The following SLC35D4 variants were observed in gnomAD, a reference collection of about 807,000 sequenced individuals.
SLC35D4 encodes UDP-N-acetylglucosamine transporter SLC35D4.
the SLC35D4 span, among the ~76,000 whole-genome samples, chr18:23,269,548 G>A: frequency 1.9e-4 from 29 of 152,174 alleles, no homozygotes; most frequent in Admixed American, 1.2e-3. Flanking sequence ...TTAAGATACC[G>A]AAAAATGTGG....
At chr18:23,432,420 C>T in the SLC35D4 span, among the ~76,000 whole-genome samples, 62,422 of 152,008 alleles carry the variant, frequency 0.41, 13,973 homozygotes, top group Middle Eastern at 0.52. Context: ...CGGTGGCTCA[C>T]GCCTGTAATC....
the SLC35D4 span, among the ~76,000 whole-genome samples, chr18:23,422,364 C>T: frequency 1.3e-5 from 2 of 152,078 alleles, no homozygotes; most frequent in Non-Finnish European, 2.9e-5. Context: ...CTCCCTATCC[C>T]CAATCAGCCA....
the SLC35D4 span, among the ~76,000 whole-genome samples, chr18:23,247,618 A>G: frequency 1.3e-5 from 2 of 152,202 alleles, no homozygotes; most frequent in African/African-American, 4.8e-5. Context: ...GAGCAAACGG[A>G]GGCACAGAGC....
At chr18:23,317,461 G>A in the SLC35D4 span, among the ~76,000 whole-genome samples, 2 of 152,128 alleles carry the variant, frequency 1.3e-5, no homozygotes, top group African/African-American at 4.8e-5. Context: ...ATCATGTACT[G>A]CACCATTTTA....
chr18:23,339,802 T>C, the SLC35D4 span, among the ~76,000 whole-genome samples: 7 of 152,300 alleles, frequency 4.6e-5, no homozygotes, highest in East Asian at 1.3e-3. Context: ...GCAAGGCAGC[T>C]CTCTGGGACC....
the SLC35D4 span, among the ~76,000 whole-genome samples, chr18:23,299,175 G>A: frequency 1.3e-5 from 2 of 152,190 alleles, no homozygotes; most frequent in African/African-American, 2.4e-5. Flanking sequence ...TCTTGCGTAC[G>A]TTTTCAGCCT....
At chr18:23,437,875 G>A in the SLC35D4 span, 1 of 1,603,736 alleles carries the variant, frequency 6.2e-7, no homozygotes, top group South Asian at 1.1e-5. Context: ...CCCCTTCTCG[G>A]GGATCCACGG....
At chr18:23,383,894 T>TG in the SLC35D4 span, among the ~76,000 whole-genome samples, 1 of 143,524 alleles carries the variant, frequency 7.0e-6, no homozygotes, top group African/African-American at 2.6e-5. Context: ...GGCAGGATGA[T>TG]GGGGGGAGAT....
the SLC35D4 span, among the ~76,000 whole-genome samples, chr18:23,407,577 TCA>T: frequency 2.7e-4 from 41 of 151,020 alleles, no homozygotes; most frequent in African/African-American, 8.3e-4. Flanking sequence ...TCTCTTTATC[TCA>T]CACACACACA....
the SLC35D4 span, among the ~76,000 whole-genome samples, chr18:23,435,379 A>G: frequency 2.0e-5 from 3 of 152,182 alleles, no homozygotes; most frequent in Non-Finnish European, 2.9e-5. Flanking sequence ...TTCTGTTTTA[A>G]AGTAAAATTT....
At chr18:23,405,010 A>C in the SLC35D4 span, among the ~76,000 whole-genome samples, 5 of 150,522 alleles carry the variant, frequency 3.3e-5, no homozygotes, top group African/African-American at 1.2e-4. Flanking sequence ...AAAAAAAAAA[A>C]AAAAAAAAAA....
At chr18:23,429,374 T>A in the SLC35D4 span, among the ~76,000 whole-genome samples, 21 of 152,244 alleles carry the variant, frequency 1.4e-4, no homozygotes, top group African/African-American at 4.3e-4. Context: ...GCCTTTTTTT[T>A]AGACGGATTT....
At chr18:23,248,332 C>T in the SLC35D4 span, among the ~76,000 whole-genome samples, 256 of 152,180 alleles carry the variant, frequency 1.7e-3, 2 homozygotes, top group Non-Finnish European at 5.3e-4. Context: ...CAGAATACAG[C>T]GTGTGCAGCA....
At chr18:23,296,965 G>A in the SLC35D4 span, 2 of 152,076 alleles carry the variant, frequency 1.3e-5, no homozygotes, top group African/African-American at 2.4e-5. Context: ...CCATAAAAAG[G>A]CTGTCACTCA....
chr18:23,356,729 C>G, the SLC35D4 span: 7 of 1,502,266 alleles, frequency 4.7e-6, no homozygotes, highest in Admixed American at 1.2e-4. This position sits in a 1 kb window ranked among gnomAD's most constrained non-coding sequence, Gnocchi z 4.1. Flanking sequence ...GCCCCATTGC[C>G]CCAGGAAATG....
At chr18:23,267,717 T>C in the SLC35D4 span, among the ~76,000 whole-genome samples, 11 of 152,232 alleles carry the variant, frequency 7.2e-5, no homozygotes, top group East Asian at 2.1e-3. Context: ...CCCATCCTCT[T>C]TCCTTCCTTA....
chr18:23,257,496 G>T, the SLC35D4 span: 1 of 1,085,814 alleles, frequency 9.2e-7, no homozygotes, highest in South Asian at 1.8e-5. Context: ...ATAGTTTGGG[G>T]AGAAGCAGTA....
At chr18:23,345,407 G>A in the SLC35D4 span, among the ~76,000 whole-genome samples, 35 of 149,666 alleles carry the variant, frequency 2.3e-4, no homozygotes, top group African/African-American at 7.4e-4. Flanking sequence ...GCTTGAACTC[G>A]GGAGGTGGAG....
At chr18:23,245,488 T>G in the SLC35D4 span, among the ~76,000 whole-genome samples, 1 of 144,406 alleles carries the variant, frequency 6.9e-6, no homozygotes, top group Non-Finnish European at 1.5e-5. Flanking sequence ...GGCAACAGAG[T>G]CACCCATCCT....
Sources: gnomAD v4.1 joint callset for allele counts (sites outside exome capture counted in the v4.1 genomes callset) on GRCh38, gnomAD v4.1.1 for gene constraint, Gnocchi (gnomAD v3.1) non-coding constraint, MANE v1.5 for transcripts, NCBI Gene and HGNC (gene_info 2026-07-23, HGNC 2026-07-21) for gene names.